The following MYRFL variants were observed in gnomAD, a reference collection of about 807,000 sequenced individuals.
MYRFL encodes myelin regulatory factor like, also known as myelin regulatory factor-like protein.
A neutral mutation model predicts 109.4 loss-of-function variants in MYRFL; 88 were observed. That is an observed-to-expected ratio of 0.80 (90% CI 0.68 to 0.96). MYRFL has a LOEUF of 0.96. Ranked by LOEUF, MYRFL falls within the 40% of genes least tolerant of loss-of-function variation. The pLI is 0.00. For missense variants in MYRFL, 957 were observed against 954.9 expected (o/e 1.00, Z -0.03); for synonymous variants, 324 against 320.9 (o/e 1.01, Z -0.10).
chr12:69,889,701 C>CA (rs1295110979), intron 6 of MYRFL, among the ~76,000 whole-genome samples: 1 of 151,994 alleles, frequency 6.6e-6, no homozygotes, highest in East Asian at 1.9e-4. Context: ...TAAAAAAATA[C>CA]AAAAATTGGT....
intron 13 of MYRFL, among the ~76,000 whole-genome samples, chr12:69,911,197 G>C (rs1325675948): frequency 6.6e-6 from 1 of 152,160 alleles, no homozygotes; most frequent in Non-Finnish European, 1.5e-5. Flanking sequence ...ACTGGCACTA[G>C]GAAAGTCCAC....
chr12:69,949,545 C>T (rs1955920888), intron 19 of MYRFL, among the ~76,000 whole-genome samples: 1 of 152,136 alleles, frequency 6.6e-6, no homozygotes, highest in Non-Finnish European at 1.5e-5. Context: ...CCAAGCTTGT[C>T]CAACCCGCGG....
rs186119714 is a variant in MYRFL, at chr12:69,938,829, G to A, written c.2224+2197G>A. 2.1e-3 allele frequency among the ~76,000 whole-genome samples: 324 copies of A among 152,236 alleles called. 3 individuals carry two copies. The highest frequency in any genetic ancestry group is 7.3e-3 in the African/African-American group (302 of 41,544). On this transcript the variant is annotated intron_variant, in intron 19 of 24. Transcript: ENST00000552032. ...GCCAGACAGTGGGCGCAGGTCAGTG[G>A]GTGCGCGCACCGTGCGCGAGCCGAA...
At chr12:69,929,174 G>A (rs890980928) in intron 15 of MYRFL, among the ~76,000 whole-genome samples, 7 of 152,154 alleles carry the variant, frequency 4.6e-5, no homozygotes, top group African/African-American at 1.7e-4. Context: ...AAGTGGCTCA[G>A]TGTCTTGGGT....
chr12:69,931,431 T>C (rs1955265416), intron 15 of MYRFL, among the ~76,000 whole-genome samples: 2 of 152,220 alleles, frequency 1.3e-5, no homozygotes, highest in Admixed American at 1.3e-4. Context: ...CCTAAGGGTC[T>C]GTGTACTTGG....
intron 10 of MYRFL, among the ~76,000 whole-genome samples, chr12:69,901,455 A>G (rs2136344456): frequency 6.6e-6 from 1 of 152,336 alleles, no homozygotes; most frequent in South Asian, 2.1e-4. Context: ...ATGTGAACAT[A>G]TTTTAGGGAT....
At chr12:69,882,194 T>C (rs1400150725) in intron 5 of MYRFL, among the ~76,000 whole-genome samples, 1 of 152,150 alleles carries the variant, frequency 6.6e-6, no homozygotes, top group African/African-American at 2.4e-5. Flanking sequence ...GGAAATCCTA[T>C]ATCCCTTGTT....
chr12:69,912,449 C>A (rs1300454801), intron 13 of MYRFL, among the ~76,000 whole-genome samples: 17 of 152,254 alleles, frequency 1.1e-4, no homozygotes, highest in Admixed American at 1.1e-3. Context: ...AAACTCTGTA[C>A]CTGTAAAACA....
chr12:69,882,378 T>A (rs1051928467), intron 5 of MYRFL, among the ~76,000 whole-genome samples: 4 of 152,076 alleles, frequency 2.6e-5, no homozygotes, highest in African/African-American at 9.7e-5. Flanking sequence ...CTTATTACAG[T>A]TTGTATTTTT....
chr12:69,926,704 A>C lies in MYRFL; in HGVS notation c.1736A>C (p.Lys579Thr). 1.3e-6 allele frequency: 2 copies of C among 1,510,916 alleles called. No homozygotes were observed. Among genetic ancestry groups the C allele is most frequent in the Non-Finnish European group, 1.8e-6 (2 of 1,133,086 alleles). 93.6% of individuals were successfully genotyped at this position (1,510,916 alleles called of 1,614,324 possible). The change falls in exon 14 of 25, where the codon AAG becomes ACG. Residue 579 changes from lysine (K) to threonine (T), a missense_variant. Lys to Thr is a moderately conservative substitution (Grantham distance 78, BLOSUM62 -1). Coordinates refer to ENST00000552032, the MANE Select transcript of MYRFL (RefSeq NM_182530.3). ...CGGCTAAAGCGGCTCAGTAGTTGGA[A>C]GTCATCAGCCAGTGAAGCAAGCACA... ...LARLKRLSSW[K>T]SSASEASTIS...
At chr12:69,863,985 A>G (rs1884853475) in intron 2 of MYRFL, among the ~76,000 whole-genome samples, 1 of 152,202 alleles carries the variant, frequency 6.6e-6, no homozygotes, top group South Asian at 2.1e-4. Flanking sequence ...ACTGCCTTCT[A>G]GCCTCCATGG....
intron 2 of MYRFL, among the ~76,000 whole-genome samples, chr12:69,859,932 T>C (rs570528478): frequency 6.6e-6 from 1 of 152,296 alleles, no homozygotes; most frequent in South Asian, 2.1e-4. Flanking sequence ...TCTTTTTTTT[T>C]CTTTTCTTCA....
At chr12:69,942,790 T>C (rs1251912655) in intron 19 of MYRFL, among the ~76,000 whole-genome samples, 3 of 151,600 alleles carry the variant, frequency 2.0e-5, no homozygotes, top group African/African-American at 7.3e-5. Flanking sequence ...GAAAACCCCA[T>C]TGTCTCAGCC....
At chr12:69,869,715 G>T (rs1325698828) in intron 2 of MYRFL, among the ~76,000 whole-genome samples, 6 of 152,150 alleles carry the variant, frequency 3.9e-5, no homozygotes, top group African/African-American at 1.2e-4. Flanking sequence ...AGAAAACTAG[G>T]ATTGGATGGC....
chr12:69,868,275 T>A (rs544683285), intron 2 of MYRFL, among the ~76,000 whole-genome samples: 6 of 151,958 alleles, frequency 3.9e-5, no homozygotes, highest in African/African-American at 9.7e-5. Flanking sequence ...CCTGGCTAAT[T>A]TTTTTGTATT....
chr12:69,867,166 G>A (rs1054809193), intron 2 of MYRFL, among the ~76,000 whole-genome samples: 1 of 152,180 alleles, frequency 6.6e-6, no homozygotes, highest in African/African-American at 2.4e-5. Flanking sequence ...GGTCCTCTCT[G>A]ATTTCCTAGG....
intron 1 of MYRFL, among the ~76,000 whole-genome samples, chr12:69,846,196 A>G (rs1883532869): frequency 1.1e-5 from 1 of 92,558 alleles, no homozygotes; most frequent in Non-Finnish European, 2.2e-5. Flanking sequence ...TTGTTTGTTT[A>G]TTATTATTAT....
intron 2 of MYRFL, among the ~76,000 whole-genome samples, chr12:69,877,403 G>A (rs1020638978): frequency 1.3e-5 from 2 of 152,128 alleles, no homozygotes; most frequent in East Asian, 3.9e-4. Context: ...GAAGCTCATG[G>A]TGACTCCTGC....
At chr12:69,911,980 A>G (rs930324891) in intron 13 of MYRFL, among the ~76,000 whole-genome samples, 7 of 152,188 alleles carry the variant, frequency 4.6e-5, no homozygotes, top group Admixed American at 1.3e-4. Context: ...GGTAATGCCA[A>G]TCTTACCAAC....
Sources: allele counts gnomAD v4.1 joint callset (sites outside exome capture counted in the v4.1 genomes callset), GRCh38; gene constraint gnomAD v4.1.1; transcripts MANE v1.5; gene names NCBI Gene and HGNC (gene_info 2026-07-23, HGNC 2026-07-21).